Variants in SMARCD1 observed in about 807,000 individuals in gnomAD.
The protein encoded by SMARCD1 is SWI/SNF related BAF chromatin remodeling complex subunit D1.
In SMARCD1, 16 loss-of-function variants were observed where a neutral mutation model predicts 70.8. The observed-to-expected ratio is 0.23, with a 90% CI of 0.15 to 0.34. The LOEUF is 0.34. SMARCD1 is among the 10% of genes least tolerant of loss of function. The pLI is 1.00. For synonymous variants in SMARCD1, 249 were observed against 246.0 expected, an observed-to-expected ratio of 1.01 and a Z score of -0.11; for missense variants, 409 against 655.5, an observed-to-expected ratio of 0.62 and a Z score of 4.11.
chr12:50,098,695 G>T lies in SMARCD1; in HGVS notation c.1393-19G>T. On this transcript the variant is annotated intron_variant, in intron 11 of 12. Transcript: ENST00000394963. ...TTTCTCCTCTCTCTTCCTCCACCCTGCATCTCCATTTCCCTCAGACAATGA... is the reference window on the plus strand; with the variant it reads ...TTTCTCCTCTCTCTTCCTCCACCCTTCATCTCCATTTCCCTCAGACAATGA... The T allele has an allele frequency of 6.3e-7, 1 of 1,584,988 alleles. No individual in the cohort carries two copies. Among genetic ancestry groups the T allele is most frequent in the Non-Finnish European group, 8.7e-7 (1 of 1,153,452 alleles).
intron 9 of SMARCD1, among the ~76,000 whole-genome samples, chr12:50,093,105 G>A (rs1017640417): frequency 4.0e-5 from 6 of 151,848 alleles, no homozygotes; most frequent in Non-Finnish European, 8.8e-5. Flanking sequence ...GAACCGGGGA[G>A]GCAGAGGTTG....
chr12:50,090,460 C>T (rs1950831405), intron 8 of SMARCD1, 33 bp from the exon 9 acceptor site: 5 of 1,612,946 alleles, frequency 3.1e-6, no homozygotes, highest in Non-Finnish European at 4.2e-6. Flanking sequence ...TATGCTCAAA[C>T]TGCTAACCTC....
chr12:50,098,682 C>T (rs1390331067), intron 11 of SMARCD1, 32 bp from the exon 12 acceptor site: 2 of 1,542,530 alleles, frequency 1.3e-6, no homozygotes, highest in Admixed American at 3.3e-5. Flanking sequence ...TCTCCTCTCT[C>T]TTCCTCCACC....
rs1294238588 is a variant in SMARCD1 at position 50,087,437 on chromosome 12, G to A, written c.606G>A (p.Gly202=). ...PAKSDAEDGE[G]TVASWELRVE... ...AGTCAGATGCCGAGGATGGGGAAGGGACGGTGGCTTCCTGGGAGCTTCGGG... is the reference window on the plus strand; with the variant it reads ...AGTCAGATGCCGAGGATGGGGAAGGAACGGTGGCTTCCTGGGAGCTTCGGG... The change falls in exon 5 of 13, where the codon GGG becomes GGA. Residue 202 remains glycine, a synonymous_variant. Transcript: ENST00000394963. 6.2e-7 allele frequency: 1 copy of A among 1,614,142 alleles called. No individual in the cohort carries two copies. The highest frequency in any genetic ancestry group is 2.2e-5 in the East Asian group (1 of 44,880).
chr12:50,085,839 AG>A (rs1321867458), intron 1 of SMARCD1: 1 of 392,620 alleles, frequency 2.5e-6, no homozygotes, highest in African/African-American at 2.1e-5. Context: ...CAGTGATCAG[AG>A]GAACACAGAA....
At chr12:50,088,207 T>A in intron 5 of SMARCD1, 1 of 695,598 alleles carries the variant, frequency 1.4e-6, no homozygotes, top group Non-Finnish European at 2.6e-6. Context: ...CCCTCTAGAG[T>A]CAGACTTTTC....
Position 50,090,820 on chromosome 12 carries a change from G to GTT in SMARCD1, c.1133+230_1133+231insTT, listed in dbSNP as rs1565740015. Among the ~76,000 whole-genome samples, 10 of 89,002 alleles carry GTT rather than the reference G, an allele frequency of 1.1e-4. 1 individual carries two copies. The highest frequency in any genetic ancestry group is 3.4e-4 in the East Asian group (1 of 2,918). The allele number at this position is 89,002 out of a possible 152,430, so 58.4% of individuals were successfully genotyped here. A position where few individuals can be genotyped will look rare whatever the true frequency, so the allele number is the denominator to read the frequency against. Reference sequence around the variant, plus strand: ...AATTATTACATTTTATTGTATTTGTGCTTTTTTTTTTTTTTTTTTTTGGAG... The same window carrying GTT: ...AATTATTACATTTTATTGTATTTGTGTTCTTTTTTTTTTTTTTTTTTTTGGAG... On this transcript the variant is annotated intron_variant, in intron 9 of 12. Transcript: ENST00000394963.
chr12:50,094,014 G>T (rs1950870450), intron 9 of SMARCD1, among the ~76,000 whole-genome samples: 2 of 152,040 alleles, frequency 1.3e-5, no homozygotes, highest in Non-Finnish European at 1.5e-5. Context: ...GCCTCCCAAA[G>T]TGCTGGGATT....
chr12:50,088,273 C>T (rs1950809886), intron 5 of SMARCD1: 1 of 702,574 alleles, frequency 1.4e-6, no homozygotes, highest in Non-Finnish European at 2.6e-6. Context: ...CCTCATTTCC[C>T]TTGGGCAAAT....
intron 9 of SMARCD1, among the ~76,000 whole-genome samples, chr12:50,091,349 C>T (rs115221026): frequency 3.6e-3 from 546 of 150,876 alleles, no homozygotes; most frequent in African/African-American, 0.013. Context: ...AATGTTGGCT[C>T]ACCGTAACCT....
chr12:50,089,688 C>A (rs1040226480), intron 6 of SMARCD1, among the ~76,000 whole-genome samples, 196 bp from the exon 7 acceptor site: 1 of 152,188 alleles, frequency 6.6e-6, no homozygotes, highest in Non-Finnish European at 1.5e-5. Context: ...CAACCACAAA[C>A]AATTAAAAGG....
chr12:50,097,654 G>A (rs1025042786), intron 11 of SMARCD1, among the ~76,000 whole-genome samples: 4 of 151,938 alleles, frequency 2.6e-5, no homozygotes, highest in African/African-American at 9.7e-5. Context: ...CACTTTGGGA[G>A]GCTGAGGAGG....
chr12:50,094,082 T>C (rs995303759), intron 9 of SMARCD1, among the ~76,000 whole-genome samples: 4 of 152,160 alleles, frequency 2.6e-5, no homozygotes, highest in Non-Finnish European at 4.4e-5. Flanking sequence ...GAGAAAGATA[T>C]ATAGGAGACT....
In SMARCD1 at chr12:50,088,012, A is replaced by G. The variant is rs115381880; in HGVS notation, c.655-509A>G. 7.6e-3 allele frequency among the ~76,000 whole-genome samples: 1,163 copies of G among 152,076 alleles called. 12 individuals are homozygous for G. Among genetic ancestry groups the G allele is most frequent in the Middle Eastern group, 0.065 (19 of 294 alleles). On this transcript the variant is annotated intron_variant, in intron 5 of 12. Transcript: ENST00000394963. ...AAGCTCACCTTTCTCTCATTCCCTT[A>G]CATTCTCTGGCTCTTATTTTTAGCT...
rs373914048 is a variant in SMARCD1, at chr12:50,088,648, C to T, written c.771+11C>T. 8 of 1,417,302 alleles carry T rather than the reference C, an allele frequency of 5.6e-6. No individual in the cohort carries two copies. The African/African-American group carries it at 5.7e-5, about 10-fold the overall frequency. The allele number at this position is 1,417,302 out of a possible 1,614,324, so 87.8% of individuals were successfully genotyped here. On this transcript the variant is annotated intron_variant, in intron 6 of 12. Transcript: ENST00000394963. ...AACCATCTGGTAGAAGTGAGTAGCT[C>T]TGCCTTCTAGGCTTTGACTCTGATT...
rs1195593436 is a variant in SMARCD1 at position 50,098,825 on chromosome 12, T to TG, written c.1494+14dup. On this transcript the variant is annotated intron_variant, in intron 12 of 12. Transcript: ENST00000394963. ...ATACTTCTACTCCAAGGTAAGTACA[T>TG]GGGGTGCACGGGGGAAATTGACAAA... 1.2e-6 allele frequency: 2 copies of TG among 1,612,162 alleles called. No homozygotes were observed. The highest frequency in any genetic ancestry group is 3.3e-5 in the Admixed American group (2 of 59,996).
At chr12:50,096,519 ATGCC>A in intron 10 of SMARCD1, 1 of 195,764 alleles carries the variant, frequency 5.1e-6, no homozygotes, top group Admixed American at 5.5e-5. Context: ...ACAGCCCCAT[ATGCC>A]AGTCCTTTTC....
rs752551605 is a variant in SMARCD1 at position 50,085,383 on chromosome 12, C to T, written c.14C>T (p.Ala5Val). 1.4e-5 allele frequency: 18 copies of T among 1,263,700 alleles called. No individual in the cohort carries two copies. The highest frequency in any genetic ancestry group is 1.5e-5 in the African/African-American group (1 of 65,160). The allele number at this position is 1,263,700 out of a possible 1,614,324, so 78.3% of individuals were successfully genotyped here. MAAR[A>V]GFQSVAPSGG... is the part of the protein sequence containing the mutation. The stretch of plus-strand genomic sequence containing the variant: ...GGCTCCGGGAAGATGGCGGCCCGGG[C>T]GGGTTTCCAGTCTGTGGCTCCAAGC... Residue 5 changes from alanine (A) to valine (V), a missense_variant, in exon 1 of 13, where the codon GCG becomes GTG. Ala to Val is a moderately conservative substitution (Grantham distance 64). This residue lies in a region of SMARCD1 where 140 missense variants were observed against 156.9 expected (regional missense o/e 0.89). Coordinates refer to ENST00000394963, the MANE Select transcript of SMARCD1 (RefSeq NM_003076.5).
intron 4 of SMARCD1, 76 bp downstream of exon 4, chr12:50,086,954 C>T: frequency 1.4e-6 from 2 of 1,453,364 alleles, no homozygotes; most frequent in East Asian, 4.5e-5. Flanking sequence ...GATGAGAAAT[C>T]AAAGGCACAG....
Sources: allele counts gnomAD v4.1 joint callset (sites outside exome capture counted in the v4.1 genomes callset), GRCh38; gene constraint gnomAD v4.1.1; regional missense constraint gnomAD v4.1.1; transcripts MANE v1.5; gene names NCBI Gene and HGNC (gene_info 2026-07-23, HGNC 2026-07-21).